SYT10: variants seen among roughly 807,000 people sequenced by gnomAD.
SYT10 encodes the protein synaptotagmin-10.
Under a neutral mutation model 51.1 loss-of-function variants are expected in SYT10, and 31 were observed. The ratio of observed to expected loss-of-function variants is 0.61; its 90% CI spans 0.46 to 0.82. The LOEUF is 0.82. Ranked by LOEUF, SYT10 falls within the 40% of genes least tolerant of loss-of-function variation. The pLI is 0.00. For synonymous variants in SYT10, 233 were observed against 225.9 expected (o/e 1.03, Z -0.28); for missense variants, 603 against 634.0 (o/e 0.95, Z 0.53).
intron 3 of SYT10, chr12:33,405,922 CTT>C: frequency 6.7e-6 from 1 of 149,154 alleles, no homozygotes; most frequent in Non-Finnish European, 1.5e-5. Flanking sequence ...TTATCCCTAA[CTT>C]AAGTGTCTAA....
chr12:33,382,353 C>T lies in SYT10; in HGVS notation c.1366G>A (p.Asp456Asn), dbSNP rs376456407. 1.3e-6 allele frequency: 2 copies of T among 1,598,212 alleles called. No homozygotes were observed. Among genetic ancestry groups the T allele is most frequent in the South Asian group, 1.1e-5 (1 of 88,400 alleles). The change falls in exon 5 of 7, where the codon GAT becomes AAT. Residue 456 changes from aspartate to asparagine, a missense_variant. Coordinates refer to ENST00000228567, the MANE Select transcript of SYT10 (RefSeq NM_198992.4). ...TGAGAAGAGAGATACACATACCTAT[C>T]GTAATCCATGACCGCAATGGAGAGG... The part of the protein sequence containing the change: ...VSLSIAVMDY[D>N]RVGHNEVIGV...
chr12:33,428,882 G>A (rs536882802), intron 1 of SYT10, among the ~76,000 whole-genome samples: 3 of 150,826 alleles, frequency 2.0e-5, no homozygotes, highest in Non-Finnish European at 4.4e-5. Context: ...CTCCAGCCTG[G>A]GTGACAGAGT....
intron 5 of SYT10, 136 bp downstream of exon 5, chr12:33,382,213 G>T: frequency 1.2e-6 from 1 of 862,192 alleles, no homozygotes. Flanking sequence ...AGAAAACAAT[G>T]AATTTTCAAG....
At chr12:33,378,998 A>C (rs769183547) in intron 6 of SYT10, among the ~76,000 whole-genome samples, 8 of 152,190 alleles carry the variant, frequency 5.3e-5, no homozygotes, top group Non-Finnish European at 1.0e-4. Context: ...TTTGGTGTTC[A>C]TCCTATTTCC....
At chr12:33,418,937 C>T (rs1168924320) in intron 2 of SYT10, among the ~76,000 whole-genome samples, 1 of 152,110 alleles carries the variant, frequency 6.6e-6, no homozygotes, top group Non-Finnish European at 1.5e-5. Flanking sequence ...CCATATTACT[C>T]AGAGTAAAAG....
At position 33,374,444 on chromosome 12, in the gene SYT10, G is replaced by C. The variant is rs1332171644; in HGVS notation, c.*2386C>G. The stretch of plus-strand genomic sequence containing the variant: ...AATATTTCATCTTCAATTACAAGCA[G>C]AAAGATGGTAAGTTATGTGTATATG... On this transcript the variant is annotated 3_prime_UTR_variant, in exon 7 of 7. Transcript: ENST00000228567. 6.6e-6 allele frequency: 1 copy of C among 151,624 alleles called. No homozygotes were observed. Among genetic ancestry groups the C allele is most frequent in the Non-Finnish European group, 1.5e-5 (1 of 67,836 alleles). The allele number at this position is 151,624 out of a possible 1,614,324, so 9.4% of individuals were successfully genotyped here.
At chr12:33,397,967 T>C (rs768123402) in intron 3 of SYT10, among the ~76,000 whole-genome samples, 4 of 151,750 alleles carry the variant, frequency 2.6e-5, no homozygotes, top group Non-Finnish European at 5.9e-5. Flanking sequence ...GTGGCGGAAA[T>C]GAACAGGGAA....
At chr12:33,428,830 C>T (rs531657033) in intron 1 of SYT10, among the ~76,000 whole-genome samples, 5 of 149,680 alleles carry the variant, frequency 3.3e-5, no homozygotes, top group East Asian at 4.0e-4. Flanking sequence ...GGCGTGAGCC[C>T]GGGACGTGGA....
chr12:33,380,522 A>T lies in SYT10; in HGVS notation c.1371-561T>A, dbSNP rs538812362. Among the ~76,000 whole-genome samples the T allele has an allele frequency of 3.9e-5, 6 of 152,328 alleles. No individual in the cohort carries two copies. The South Asian group carries it at 1.2e-3, about 32-fold the overall frequency. On this transcript the variant is annotated intron_variant, in intron 5 of 6. Coordinates refer to ENST00000228567, the MANE Select transcript of SYT10 (RefSeq NM_198992.4). ...CATAACAGAAAACATACTGGACAAC[A>T]TTTGTATATTCTATTCAGGTCCTGC... is the stretch of plus-strand genomic sequence containing the variant.
intron 3 of SYT10, among the ~76,000 whole-genome samples, chr12:33,400,441 C>T (rs1866292907): frequency 1.3e-5 from 2 of 152,084 alleles, no homozygotes; most frequent in African/African-American, 4.8e-5. Context: ...TCAAGGTGTA[C>T]TCTTTCAAAC....
intron 2 of SYT10, among the ~76,000 whole-genome samples, chr12:33,410,564 T>C (rs1410902845): frequency 1.3e-5 from 2 of 152,120 alleles, no homozygotes; most frequent in African/African-American, 2.4e-5. Flanking sequence ...AAATTAAAGA[T>C]TCAAACTAGT....
At chr12:33,390,367 T>C (rs879490840) in intron 3 of SYT10, among the ~76,000 whole-genome samples, 1 of 152,160 alleles carries the variant, frequency 6.6e-6, no homozygotes, top group Non-Finnish European at 1.5e-5. Context: ...AAATGTGCAA[T>C]GTCATTTATA....
At chr12:33,436,820 C>A (rs1244210006) in intron 1 of SYT10, among the ~76,000 whole-genome samples, 1 of 152,124 alleles carries the variant, frequency 6.6e-6, no homozygotes, top group Non-Finnish European at 1.5e-5. Context: ...GTTAGAACAA[C>A]CAATACCATC....
rs186569081 is a variant in SYT10, at chr12:33,413,720, T to C, written c.510-6364A>G. Among the ~76,000 whole-genome samples the C allele has an allele frequency of 7.4e-3, 1,134 of 152,280 alleles. 16 individuals carry two copies. Among genetic ancestry groups the C allele is most frequent in the African/African-American group, 0.027 (1,107 of 41,552 alleles). ...GAAAGGAACAACCGGTACCAGCCAC[T>C]GCAAAAACATGCCAAATTGTGAAGA... On this transcript the variant is annotated intron_variant, in intron 2 of 6. Transcript: ENST00000228567.
At chr12:33,400,425 G>A (rs1459322346) in intron 3 of SYT10, among the ~76,000 whole-genome samples, 2 of 152,090 alleles carry the variant, frequency 1.3e-5, no homozygotes, top group Admixed American at 6.5e-5. Context: ...CTTTGTACTT[G>A]TCCTGTCAAG....
At chr12:33,416,079 CTCTTT>C (rs1157269512) in intron 2 of SYT10, among the ~76,000 whole-genome samples, 1 of 120,266 alleles carries the variant, frequency 8.3e-6, no homozygotes, top group East Asian at 2.2e-4. Flanking sequence ...TCACACCATT[CTCTTT>C]TATTTGTTGT....
In SYT10 at chr12:33,415,191, T is replaced by C. The variant is rs1866442478; in HGVS notation, c.510-7835A>G. On this transcript the variant is annotated intron_variant, in intron 2 of 6. Transcript: ENST00000228567. Reference sequence around the variant, plus strand: ...CATCACTTAACTTGTTTGAACTTTATTTTTCTCATTTATAAAATGGTTCTT... The same window carrying C: ...CATCACTTAACTTGTTTGAACTTTACTTTTCTCATTTATAAAATGGTTCTT... Among the ~76,000 whole-genome samples the C allele has an allele frequency of 2.6e-5, 4 of 152,244 alleles. No homozygotes were observed. The South Asian group carries it at 8.3e-4, about 31-fold the overall frequency.
Position 33,375,424 on chromosome 12 carries a change from T to A in SYT10, c.*1406A>T, listed in dbSNP as rs1020110365. On this transcript the variant is annotated 3_prime_UTR_variant, in exon 7 of 7. Coordinates refer to ENST00000228567, the MANE Select transcript of SYT10 (RefSeq NM_198992.4). ...GTTTTTATTTTCTTGCCTCTTTTTT[T>A]AAAAAAACCACCAATTTTGAAATAA... The A allele has an allele frequency of 3.3e-5, 5 of 152,004 alleles. No homozygotes were observed. Among genetic ancestry groups the A allele is most frequent in the Admixed American group, 2.6e-4 (4 of 15,240 alleles). 9.4% of individuals were successfully genotyped at this position (152,004 alleles called of 1,614,324 possible). A position where few individuals can be genotyped will look rare whatever the true frequency, so the allele number is the denominator to read the frequency against.
At chr12:33,380,557 A>C (rs1243488595) in intron 5 of SYT10, among the ~76,000 whole-genome samples, 2 of 152,222 alleles carry the variant, frequency 1.3e-5, no homozygotes, top group Admixed American at 6.5e-5. Flanking sequence ...CTTTCATAGC[A>C]ATGAATCAAG....
Sources: gnomAD v4.1 joint callset for allele counts (sites outside exome capture counted in the v4.1 genomes callset) on GRCh38, gnomAD v4.1.1 for gene constraint, MANE v1.5 for transcripts, NCBI Gene and HGNC (gene_info 2026-07-23, HGNC 2026-07-21) for gene names.